ABCC4: variants seen among roughly 807,000 people sequenced by gnomAD.
ABCC4 encodes ATP-binding cassette sub-family C member 4.
Under a neutral mutation model 168.5 loss-of-function variants are expected in ABCC4, and 102 were observed. The observed-to-expected ratio is 0.61, with a 90% CI of 0.52 to 0.71. The LOEUF is 0.71. ABCC4 is among the 30% of genes least tolerant of loss of function. ABCC4 has a pLI of 0.00. For synonymous variants in ABCC4, 617 were observed against 590.7 expected (o/e 1.04, Z -0.65); for missense variants, 1,402 against 1,605.8 (o/e 0.87, Z 2.17).
At chr13:95,135,757 A>G (rs1195449716) in intron 19 of ABCC4, among the ~76,000 whole-genome samples, 1 of 152,144 alleles carries the variant, frequency 6.6e-6, no homozygotes, top group African/African-American at 2.4e-5. Flanking sequence ...CTAAACACCC[A>G]TATTAATAAG....
At chr13:95,081,715 T>C (rs901648112) in intron 21 of ABCC4, among the ~76,000 whole-genome samples, 1 of 152,218 alleles carries the variant, frequency 6.6e-6, no homozygotes, top group African/African-American at 2.4e-5. Context: ...TAGAGTTCAC[T>C]GTTGGCCAGG....
At chr13:95,183,837 C>T (rs1486669416) in intron 11 of ABCC4, among the ~76,000 whole-genome samples, 1 of 152,136 alleles carries the variant, frequency 6.6e-6, no homozygotes, top group East Asian at 1.9e-4. Flanking sequence ...TCACTGGAGC[C>T]TGGGAGGCGG....
chr13:95,257,439 G>T (rs2040419699), intron 1 of ABCC4, among the ~76,000 whole-genome samples: 1 of 152,070 alleles, frequency 6.6e-6, no homozygotes, highest in Admixed American at 6.6e-5. Flanking sequence ...AGGCCGAGGC[G>T]GGTGGATCAC....
At chr13:95,093,105 CCAGA>C (rs1024224531) in intron 20 of ABCC4, among the ~76,000 whole-genome samples, 56 of 152,162 alleles carry the variant, frequency 3.7e-4, no homozygotes, top group African/African-American at 1.2e-3. Context: ...CAGAATTTTA[CCAGA>C]CATTCAAAGA....
At chr13:95,160,438 A>C (rs1484945912) in intron 19 of ABCC4, among the ~76,000 whole-genome samples, 1 of 152,210 alleles carries the variant, frequency 6.6e-6, no homozygotes, top group East Asian at 1.9e-4. Context: ...GGCTAGCCTC[A>C]GAAGCAGGAC....
intron 26 of ABCC4, among the ~76,000 whole-genome samples, chr13:95,059,185 C>A (rs2033190074): frequency 6.6e-6 from 1 of 152,194 alleles, no homozygotes; most frequent in African/African-American, 2.4e-5. Context: ...AACTCAGGAT[C>A]TGGCATTGAG....
chr13:95,209,335 T>A, intron 6 of ABCC4, 99 bp downstream of exon 6: 1 of 1,361,704 alleles, frequency 7.3e-7, no homozygotes, highest in African/African-American at 1.4e-5. Flanking sequence ...AAGGAAGAGA[T>A]AATAAAAGGC....
At chr13:95,227,058 C>T (rs1315413788) in intron 4 of ABCC4, among the ~76,000 whole-genome samples, 1 of 152,150 alleles carries the variant, frequency 6.6e-6, no homozygotes, top group Non-Finnish European at 1.5e-5. Context: ...CTCATGAATA[C>T]AACAGAGAGC....
chr13:95,188,987 C>T (rs910233835), intron 9 of ABCC4, among the ~76,000 whole-genome samples: 1 of 152,116 alleles, frequency 6.6e-6, no homozygotes, highest in East Asian at 1.9e-4. Flanking sequence ...GTCAACCTGT[C>T]ATCTAGGTTT....
At chr13:95,047,369 A>G (rs1435460160) in intron 27 of ABCC4, among the ~76,000 whole-genome samples, 1 of 151,694 alleles carries the variant, frequency 6.6e-6, no homozygotes, top group Non-Finnish European at 1.5e-5. Flanking sequence ...ATCAGTCAGT[A>G]TGTGTAGCAT....
chr13:95,280,171 C>T (rs372578787), intron 1 of ABCC4, among the ~76,000 whole-genome samples: 14 of 151,992 alleles, frequency 9.2e-5, no homozygotes, highest in East Asian at 7.7e-4. Context: ...AGGGCTAAGG[C>T]TCGGGAGGCC....
At chr13:95,169,481 G>A (rs376791998) in intron 14 of ABCC4, among the ~76,000 whole-genome samples, 97 of 152,198 alleles carry the variant, frequency 6.4e-4, no homozygotes, top group African/African-American at 2.3e-3. Context: ...GGCTCTCCCT[G>A]GCTTGCTCTG....
chr13:95,075,361 T>TGA, intron 22 of ABCC4, 71 bp downstream of exon 22: 1 of 1,599,368 alleles, frequency 6.3e-7, no homozygotes, highest in Non-Finnish European at 8.5e-7. Flanking sequence ...CAAGCTCATC[T>TGA]GACCAGGGAG....
At chr13:95,091,957 G>A (rs529291137) in intron 20 of ABCC4, among the ~76,000 whole-genome samples, 1 of 152,220 alleles carries the variant, frequency 6.6e-6, no homozygotes, top group East Asian at 1.9e-4. Flanking sequence ...GAAACTTAAA[G>A]GGGTGGAAAA....
In ABCC4 at chr13:95,133,640, C is replaced by A. The variant is rs114627212; in HGVS notation, c.2456-17639G>T. ...TAACAGCACTTCTGGAGACCAGAGT[C>A]CCCTCCCACCTCCAACAAAGGAGAA... On this transcript the variant is annotated intron_variant, in intron 19 of 30. Coordinates refer to ENST00000645237, the MANE Select transcript of ABCC4 (RefSeq NM_005845.5). Among the ~76,000 whole-genome samples, 495 of 152,042 alleles carry A rather than the reference C, an allele frequency of 3.3e-3. 3 individuals are homozygous for A. Among genetic ancestry groups the A allele is most frequent in the African/African-American group, 0.011 (470 of 41,466 alleles).
chr13:95,055,131 T>G (rs531449118), intron 26 of ABCC4, among the ~76,000 whole-genome samples: 26 of 152,186 alleles, frequency 1.7e-4, no homozygotes, highest in Non-Finnish European at 3.4e-4. Context: ...AAGGTCTGTC[T>G]TAAAAGTACC....
At chr13:95,164,586 C>A in intron 15 of ABCC4, 68 bp from the exon 16 acceptor site, 17 of 1,549,404 alleles carry the variant, frequency 1.1e-5, no homozygotes, top group Non-Finnish European at 1.4e-5. Context: ...TGACAATGCA[C>A]TCTGTTGACA....
chr13:95,233,501 T>G (rs184008949), intron 4 of ABCC4, among the ~76,000 whole-genome samples: 24 of 151,946 alleles, frequency 1.6e-4, no homozygotes, highest in African/African-American at 5.3e-4. Flanking sequence ...CTACTAGAGT[T>G]GGGAGAGAGG....
In ABCC4 at chr13:95,188,524, G is replaced by A. The variant is rs60188847; in HGVS notation, c.1282C>T (p.Leu428=). 1 of 1,612,608 alleles carries A rather than the reference G, an allele frequency of 6.2e-7. No individual in the cohort carries two copies. Among genetic ancestry groups the A allele is most frequent in the Non-Finnish European group, 8.5e-7 (1 of 1,178,812 alleles). The change falls in exon 10 of 31, where the codon CTA becomes TTA. Residue 428 remains leucine, a synonymous_variant. Coordinates refer to ENST00000645237, the MANE Select transcript of ABCC4 (RefSeq NM_005845.5). The part of the protein sequence containing the change: ...FWDKASETPT[L]QGLSFTVRPG... Reference sequence around the variant, plus strand: ...CTGACAGTAAAGGAAAGGCCTTGTAGAGTTGGGGTCTCTGATGCCTACAAA... The same window carrying A: ...CTGACAGTAAAGGAAAGGCCTTGTAAAGTTGGGGTCTCTGATGCCTACAAA...
Sources: gnomAD v4.1 joint callset for allele counts (sites outside exome capture counted in the v4.1 genomes callset) on GRCh38, gnomAD v4.1.1 for gene constraint, MANE v1.5 for transcripts, NCBI Gene and HGNC (gene_info 2026-07-23, HGNC 2026-07-21) for gene names.